Variants in ARX observed in about 807,000 individuals in gnomAD.
ARX encodes the protein homeobox protein ARX.
Under a neutral mutation model 23.1 loss-of-function variants are expected in ARX, and 1 was observed. The observed-to-expected ratio is 0.04, with a 90% confidence interval of 0.02 to 0.21. The LOEUF is 0.21. Ranked by LOEUF, ARX falls within the 10% of genes least tolerant of loss-of-function variation. The pLI is 1.00. For synonymous variants in ARX, 301 were observed against 270.1 expected (o/e 1.11, Z -1.12); for missense variants, 380 against 527.5 (o/e 0.72, Z 2.74).
At chrX:25,006,260 T>C (rs772803702) in intron 4 of ARX, among the ~76,000 whole-genome samples, 106 of 112,711 alleles carry the variant, frequency 9.4e-4, no homozygotes, top group Non-Finnish European at 1.5e-3. Flanking sequence ...GCGCTCGCTG[T>C]TTATTTTATT....
intron 2 of ARX, 143 bp from the exon 3 acceptor site, chrX:25,010,448 C>A (rs1933587401): frequency 1.3e-5 from 9 of 669,963 alleles, no homozygotes; most frequent in Non-Finnish European, 1.6e-5. Context: ...TGGGCATTAC[C>A]ATTCCATCAC....
chrX:25,013,727 C>G lies in ARX; in HGVS notation c.268G>C (p.Gly90Arg), dbSNP rs2048713831. ...TGAAGGAGGCGGCCCCCGCCCGGGC[C>G]GTACAGGCGCCGCAGCTTGGGCGGC... ...HLPPKLRRLY[G>R]PGGGRLLQGA... The change falls in exon 2 of 5, where the codon GGC becomes CGC. Residue 90 changes from glycine to arginine, a missense_variant. Physicochemically the swap from Gly to Arg is moderately radical, Grantham distance 125 (BLOSUM62 -2). This residue lies in a region of ARX where 235 missense variants were observed against 270.2 expected (regional missense o/e 0.87). Transcript: ENST00000379044. 3.3e-6 allele frequency: 3 copies of G among 922,971 alleles called. No individual in the cohort carries two copies. The highest frequency in any genetic ancestry group is 4.0e-6 in the Non-Finnish European group (3 of 746,735). The allele number at this position is 922,971 out of a possible 1,213,427, so 76.1% of individuals were successfully genotyped here.
At chrX:25,009,715 A>C (rs1284152148) in intron 3 of ARX, among the ~76,000 whole-genome samples, 1 of 111,869 alleles carries the variant, frequency 8.9e-6, no homozygotes, top group African/African-American at 3.3e-5. Flanking sequence ...CATTGCTATA[A>C]AAAATGGGAA....
At chrX:25,014,481 C>T (rs1481788748) in intron 1 of ARX, among the ~76,000 whole-genome samples, 2 of 112,867 alleles carry the variant, frequency 1.8e-5, no homozygotes, top group African/African-American at 3.2e-5. Flanking sequence ...GCCCTGTGGC[C>T]CCAAGTGCAG....
rs1427825076 is a variant in ARX, at chrX:25,015,965, T to C, written c.-228A>G. On this transcript the variant is annotated 5_prime_UTR_variant, in exon 1 of 5. Coordinates refer to ENST00000379044, the MANE Select transcript of ARX (RefSeq NM_139058.3). ...TCAGGACAAGCGGTAACAAGTGTAG[T>C]GAGCAGCGGGCGCTGAGCTCTGGAG... The C allele has an allele frequency of 1.6e-5, 7 of 427,776 alleles. No homozygotes were observed. The highest frequency in any genetic ancestry group is 3.9e-5 in the East Asian group (1 of 25,495). The allele number at this position is 427,776 out of a possible 1,213,427, so 35.3% of individuals were successfully genotyped here.
chrX:25,015,288 C>T (rs1346996741), intron 1 of ARX, among the ~76,000 whole-genome samples: 1 of 110,707 alleles, frequency 9.0e-6, no homozygotes, highest in East Asian at 2.9e-4. Flanking sequence ...GGCATTTAAA[C>T]AACCTAACGA....
Position 25,007,185 on chromosome X carries a change from C to G in ARX, c.1374G>C (p.Ala458=), listed in dbSNP as rs751770883. ...CGAGGAAAGTGCTCAGGCCCAGCGG[C>G]GCCCCGCTGGGCGGCAGGCTGGCCG... ...PGSASLPPSG[A]PLGLSTFLGA... The change falls in exon 4 of 5, where the codon GCG becomes GCC. Residue 458 remains alanine, a synonymous_variant. Coordinates refer to ENST00000379044, the MANE Select transcript of ARX (RefSeq NM_139058.3). 1.7e-6 allele frequency: 2 copies of G among 1,187,151 alleles called. No homozygotes were observed. Among genetic ancestry groups the G allele is most frequent in the Non-Finnish European group, 1.1e-6 (1 of 884,833 alleles).
rs748764628 is a variant in ARX, at chrX:25,013,437, C to A, written c.558G>T (p.Pro186=). The change falls in exon 2 of 5, where the codon CCG becomes CCT. Residue 186 remains proline, a synonymous_variant. Coordinates refer to ENST00000379044, the MANE Select transcript of ARX (RefSeq NM_139058.3). ...GGCCGCCCAGCTCGTCCAGCGCGGG[C>A]GGCGGCGGCACGAAGGGCGCCCCGT... ...RENGAPFVPP[P]PALDELGGPG... 323 of 933,518 alleles carry A rather than the reference C, an allele frequency of 3.5e-4. 1 individual carries two copies. Among genetic ancestry groups the A allele is most frequent in the Non-Finnish European group, 4.1e-4 (307 of 753,880 alleles). The allele number at this position is 933,518 out of a possible 1,213,427, so 76.9% of individuals were successfully genotyped here.
Position 25,007,289 on chromosome X carries a change from G to T in ARX, c.1270C>A (p.Pro424Thr). 1 of 1,120,265 alleles carries T rather than the reference G, an allele frequency of 8.9e-7. No individual in the cohort carries two copies. The highest frequency in any genetic ancestry group is 3.0e-5 in the Admixed American group (1 of 32,961). 92.3% of individuals were successfully genotyped at this position (1,120,265 alleles called of 1,213,427 possible). A position where few individuals can be genotyped will look rare whatever the true frequency, so the allele number is the denominator to read the frequency against. Residue 424 changes from proline (P) to threonine (T), a missense_variant, in exon 4 of 5, where the codon CCG becomes ACG. Physicochemically the swap from Pro to Thr is conservative, Grantham distance 38. Around this residue, in one of 3 missense-constraint regions of ARX, gnomAD observed 121 missense variants for 169.7 expected, o/e 0.71. Transcript: ENST00000379044. ...GCAGTCCAAGCGGAGTCGAGCGCCG[G>T]GTGGTGCGGAGGGAAGGGGCTGGCG... is the stretch of plus-strand genomic sequence containing the variant. ...LDASPFPPHH[P>T]ALDSAWTAAA...
chrX:25,013,483 C>T lies in ARX; in HGVS notation c.512G>A (p.Arg171His). Residue 171 changes from arginine (R) to histidine (H), a missense_variant, in exon 2 of 5, where the codon CGC (arginine) becomes CAC (histidine). Arg to His is a conservative substitution (Grantham distance 29). Around this residue, in one of 3 missense-constraint regions of ARX, gnomAD observed 235 missense variants for 270.2 expected, o/e 0.87. Transcript: ENST00000379044. The part of the protein sequence containing the change: ...ISQAPQVSIS[R>H]SKSYRENGAP... ...CCCGTTCTCGCGGTACGACTTGCTG[C>T]GGCTGATGCTCACCTGCGGCGCCTG... is the stretch of plus-strand genomic sequence containing the variant. The T allele has an allele frequency of 1.1e-6, 1 of 899,100 alleles. No homozygotes were observed. Among genetic ancestry groups the T allele is most frequent in the Admixed American group, 5.5e-5 (1 of 18,130 alleles). 74.1% of individuals were successfully genotyped at this position (899,100 alleles called of 1,213,427 possible). A position where few individuals can be genotyped will look rare whatever the true frequency, so the allele number is the denominator to read the frequency against.
At chrX:25,008,766 C>G (rs1214707943) in intron 3 of ARX, among the ~76,000 whole-genome samples, 1 of 112,498 alleles carries the variant, frequency 8.9e-6, no homozygotes, top group Admixed American at 9.4e-5. Context: ...CAAATCTACA[C>G]ACTGGGGCTT....
Position 25,007,102 on chromosome X carries a change from G to T in ARX, c.1448+9C>A, listed in dbSNP as rs759009252. 6.7e-6 allele frequency: 8 copies of T among 1,186,587 alleles called. No individual in the cohort carries two copies. Among genetic ancestry groups the T allele is most frequent in the Non-Finnish European group, 9.1e-6 (8 of 883,842 alleles). ...GACAGACAGACAGACTTCCGAGGCT[G>T]CGCGTTACCTGCCGAATGCCGGGCT... On this transcript the variant is annotated intron_variant, in intron 4 of 4. Coordinates refer to ENST00000379044, the MANE Select transcript of ARX (RefSeq NM_139058.3).
In ARX at chrX:25,015,527, C is replaced by T; in HGVS notation, c.196+15G>A. On this transcript the variant is annotated intron_variant, in intron 1 of 4. Coordinates refer to ENST00000379044, the MANE Select transcript of ARX (RefSeq NM_139058.3). Reference sequence around the variant, plus strand: ...CCCAATGCCCTTAGTAAGTGCCTGACGGGAGCATCCTTACCTTGCACGGCC... The same window carrying T: ...CCCAATGCCCTTAGTAAGTGCCTGATGGGAGCATCCTTACCTTGCACGGCC... The T allele has an allele frequency of 1.7e-6, 2 of 1,208,491 alleles. No individual in the cohort carries two copies. The highest frequency in any genetic ancestry group is 4.8e-4 in the Middle Eastern group (2 of 4,173).
At chrX:25,010,194 C>CCAA in intron 3 of ARX, 66 bp downstream of exon 3, 20 of 1,109,855 alleles carry the variant, frequency 1.8e-5, no homozygotes, top group Non-Finnish European at 2.2e-5. Context: ...GCCACCAACC[C>CCAA]ATCTCTCTCT....
rs1248729100 is a variant in ARX at position 25,007,302 on chromosome X, G to A, written c.1257C>T (p.Phe419=). 1.8e-6 allele frequency: 2 copies of A among 1,124,991 alleles called. No homozygotes were observed. The highest frequency in any genetic ancestry group is 1.9e-5 in the African/African-American group (1 of 52,584). 92.7% of individuals were successfully genotyped at this position (1,124,991 alleles called of 1,213,427 possible). ...PLSPYLDASP[F]PPHHPALDSA... ...AGTCGAGCGCCGGGTGGTGCGGAGG[G>A]AAGGGGCTGGCGTCCAGGTAGGGGC... Residue 419 remains phenylalanine, a synonymous_variant, in exon 4 of 5, where the codon TTC becomes TTT. Coordinates refer to ENST00000379044, the MANE Select transcript of ARX (RefSeq NM_139058.3).
chrX:25,010,120 G>C (rs1199498053), intron 3 of ARX, 140 bp downstream of exon 3: 2 of 672,003 alleles, frequency 3.0e-6, no homozygotes, highest in Non-Finnish European at 4.7e-6. Flanking sequence ...GAGTGCTTGG[G>C]TCTACTTTTC....
intron 2 of ARX, 77 bp from the exon 3 acceptor site, chrX:25,010,382 G>A (rs2048697368): frequency 8.9e-7 from 1 of 1,119,940 alleles, no homozygotes; most frequent in African/African-American, 1.8e-5. Context: ...CTCCTCTATG[G>A]CAGGCCTACT....
Position 25,007,155 on chromosome X carries a change from C to A in ARX, c.1404G>T (p.Ala468=), listed in dbSNP as rs794727657. 3 of 1,199,671 alleles carry A rather than the reference C, an allele frequency of 2.5e-6. No individual in the cohort carries two copies. The highest frequency in any genetic ancestry group is 3.5e-5 in the African/African-American group (2 of 56,707). The part of the protein sequence containing the change: ...APLGLSTFLG[A]AVFRHPAFIS... ...TGAAAGCTGGGTGTCGGAACACTGC[C>A]GCTCCGAGGAAAGTGCTCAGGCCCA... The change falls in exon 4 of 5, where the codon GCG becomes GCT. Residue 468 remains alanine (A), a synonymous_variant. Coordinates refer to ENST00000379044, the MANE Select transcript of ARX (RefSeq NM_139058.3).
chrX:25,010,174 G>GC (rs2048695963), intron 3 of ARX, 86 bp downstream of exon 3: 61 of 239,551 alleles, frequency 2.5e-4, no homozygotes, highest in Non-Finnish European at 3.5e-4. Flanking sequence ...CTCACCCCCC[G>GC]CACCCCCCCG....
Sources: allele counts gnomAD v4.1 joint callset (sites outside exome capture counted in the v4.1 genomes callset), GRCh38; gene constraint gnomAD v4.1.1; regional missense constraint gnomAD v4.1.1; transcripts MANE v1.5; gene names NCBI Gene and HGNC (gene_info 2026-07-23, HGNC 2026-07-21).